P2RY8: variants seen among roughly 807,000 people sequenced by gnomAD.
P2RY8 encodes the protein S-geranylgeranyl-glutathione receptor P2RY8.
P2RY8 carries 6 observed loss-of-function variants against 10.0 expected under a neutral mutation model. That is an observed-to-expected ratio of 0.60 (90% CI 0.33 to 1.19). The LOEUF (loss-of-function observed/expected upper bound fraction) is 1.19, where lower values mean the gene tolerates loss of function less well. P2RY8 is among the 50% of genes most tolerant of loss of function. The pLI, the probability that P2RY8 is intolerant of heterozygous loss-of-function variation, is 0.04. For synonymous variants in P2RY8, 276 were observed against 252.5 expected, an observed-to-expected ratio of 1.09 and a Z score of -0.88; for missense variants, 456 against 542.0, an observed-to-expected ratio of 0.84 and a Z score of 1.58.
intron 1 of P2RY8, among the ~76,000 whole-genome samples, chrX:1,508,706 CT>C: frequency 3.3e-5 from 1 of 30,720 alleles, no homozygotes. Context: ...TCCATCCATT[CT>C]ATCTATCTAT....
chrX:1,497,620 G>T (rs1233961073), intron 1 of P2RY8, among the ~76,000 whole-genome samples: 3 of 146,204 alleles, frequency 2.1e-5, no homozygotes, highest in African/African-American at 5.1e-5. Context: ...ACCGTGCCAC[G>T]GCACTCCAGC....
chrX:1,513,299 T>C (rs1199189094), intron 1 of P2RY8, among the ~76,000 whole-genome samples: 2 of 152,062 alleles, frequency 1.3e-5, no homozygotes, highest in African/African-American at 4.8e-5. Context: ...GTCCCAAGTC[T>C]TTGCTATTGT....
At chrX:1,474,372 T>A (rs1283590425) in intron 1 of P2RY8, among the ~76,000 whole-genome samples, 2 of 94,104 alleles carry the variant, frequency 2.1e-5, no homozygotes, top group African/African-American at 3.2e-5. Flanking sequence ...GATGGATGGA[T>A]AAGTGGGTGG....
chrX:1,492,390 C>G (rs1452530437), intron 1 of P2RY8, among the ~76,000 whole-genome samples: 3 of 152,132 alleles, frequency 2.0e-5, no homozygotes, highest in Non-Finnish European at 4.4e-5. Flanking sequence ...GAGAGGGTGT[C>G]TCTTTTCCCA....
rs1192202312 is a variant in P2RY8, at chrX:1,466,205, G to A, written c.354C>T (p.Ser118=). ...YSSILTMTCI[S]VERFLGVLYP... ...ACAGGACCCCCAGGAAGCGCTCCACGCTGATACAGGTCATGGTGAGGATGC... is the reference window on the plus strand; with the variant it reads ...ACAGGACCCCCAGGAAGCGCTCCACACTGATACAGGTCATGGTGAGGATGC... The change falls in exon 2 of 2, where the codon AGC becomes AGT. Residue 118 remains serine, a synonymous_variant. Transcript: ENST00000381297. 1.9e-6 allele frequency: 3 copies of A among 1,613,086 alleles called. No individual in the cohort carries two copies. The African/African-American group carries it at 4.0e-5, about 22-fold the overall frequency.
At position 1,463,407 on chromosome X, in the gene P2RY8, G is replaced by A. The variant is rs2091614781; in HGVS notation, c.*2072C>T. 8.6e-6 allele frequency: 2 copies of A among 232,650 alleles called. No homozygotes were observed. The highest frequency in any genetic ancestry group is 1.7e-5 in the Non-Finnish European group (2 of 117,844). The allele number at this position is 232,650 out of a possible 1,614,324, so 14.4% of individuals were successfully genotyped here. A position where few individuals can be genotyped will look rare whatever the true frequency, so the allele number is the denominator to read the frequency against. ...CTTCCTGCCTCTCCCAGCTCCTGGG[G>A]GCTCCAGGTGTCCCTGGGCTTGTGG... On this transcript the variant is annotated 3_prime_UTR_variant, in exon 2 of 2. Coordinates refer to ENST00000381297, the MANE Select transcript of P2RY8 (RefSeq NM_178129.5).
intron 1 of P2RY8, among the ~76,000 whole-genome samples, chrX:1,513,212 T>A (rs186332320): frequency 6.6e-6 from 1 of 151,074 alleles, no homozygotes; most frequent in African/African-American, 2.4e-5. Flanking sequence ...TCCTTTTTTA[T>A]GACTGCATAG....
intron 1 of P2RY8, among the ~76,000 whole-genome samples, chrX:1,498,335 G>A (rs2092138429): frequency 6.8e-6 from 1 of 147,972 alleles, no homozygotes; most frequent in Admixed American, 6.7e-5. Flanking sequence ...GAACCTGGGA[G>A]GCGGAGCTTG....
chrX:1,504,563 C>G (rs144082495), intron 1 of P2RY8, among the ~76,000 whole-genome samples: 4,830 of 152,220 alleles, frequency 0.032, 119 homozygotes, highest in African/African-American at 0.067. Flanking sequence ...GTGGTCAAAA[C>G]TGATCAGGCT....
intron 1 of P2RY8, among the ~76,000 whole-genome samples, chrX:1,487,860 C>T (rs1408960713): frequency 1.3e-5 from 2 of 152,182 alleles, no homozygotes; most frequent in African/African-American, 2.4e-5. Flanking sequence ...CCTGTCATCC[C>T]AGCACTTTGG....
chrX:1,507,293 C>T (rs2092243263), intron 1 of P2RY8, among the ~76,000 whole-genome samples: 1 of 152,124 alleles, frequency 6.6e-6, no homozygotes, highest in South Asian at 2.1e-4. Flanking sequence ...AGATGAAGTC[C>T]CCTAGATTTC....
chrX:1,508,819 A>G (rs2092260354), intron 1 of P2RY8, among the ~76,000 whole-genome samples: 1 of 145,248 alleles, frequency 6.9e-6, no homozygotes, highest in African/African-American at 2.6e-5. Context: ...TCTATCATCT[A>G]TGCATCCATC....
At chrX:1,536,646 C>T (rs1358890947) in intron 1 of P2RY8, among the ~76,000 whole-genome samples, 19 of 152,172 alleles carry the variant, frequency 1.2e-4, no homozygotes, top group African/African-American at 9.6e-5. Context: ...CCGCCCACCT[C>T]GGCCTCTGAA....
intron 1 of P2RY8, among the ~76,000 whole-genome samples, chrX:1,498,474 C>A (rs1251446952): frequency 2.0e-5 from 3 of 150,036 alleles, no homozygotes; most frequent in Admixed American, 6.6e-5. Context: ...TTACAGCCCA[C>A]AAGAGGTGAC....
chrX:1,504,761 C>A (rs767256093), intron 1 of P2RY8, among the ~76,000 whole-genome samples: 6 of 151,272 alleles, frequency 4.0e-5, no homozygotes, highest in South Asian at 2.1e-4. Context: ...CTGATGCGGG[C>A]GGATCACCTG....
chrX:1,498,837 C>T (rs1271090533), intron 1 of P2RY8, among the ~76,000 whole-genome samples: 3 of 146,964 alleles, frequency 2.0e-5, no homozygotes, highest in Non-Finnish European at 4.5e-5. Flanking sequence ...CGCACCTGGC[C>T]CTCTGTTATT....
chrX:1,505,667 G>A (rs28438915), intron 1 of P2RY8, among the ~76,000 whole-genome samples: 36,435 of 151,970 alleles, frequency 0.24, 5,741 homozygotes, highest in East Asian at 0.7. Flanking sequence ...GCGGGCGCCT[G>A]TCATCCCAGC....
intron 1 of P2RY8, among the ~76,000 whole-genome samples, chrX:1,505,054 C>T (rs28696881): frequency 0.43 from 64,793 of 149,446 alleles, 14,517 homozygotes; most frequent in Admixed American, 0.48. Context: ...AGGAGAATGG[C>T]GTGAACCCGG....
intron 1 of P2RY8, among the ~76,000 whole-genome samples, chrX:1,509,898 GTATC>G (rs746513828): frequency 9.4e-5 from 14 of 148,576 alleles, no homozygotes; most frequent in South Asian, 4.3e-4. Context: ...ATCTATGTAT[GTATC>G]TATCTATCTT....
Sources: allele counts gnomAD v4.1 joint callset (sites outside exome capture counted in the v4.1 genomes callset), GRCh38; gene constraint gnomAD v4.1.1; transcripts MANE v1.5; gene names NCBI Gene and HGNC (gene_info 2026-07-23, HGNC 2026-07-21).